Variants in SPATS1 observed in about 807,000 individuals in gnomAD.
SPATS1 encodes the protein spermatogenesis-associated serine-rich protein 1.
A neutral mutation model predicts 33.6 loss-of-function variants in SPATS1; 23 were observed. The observed-to-expected ratio is 0.68, with a 90% CI of 0.49 to 0.97. SPATS1 has a LOEUF of 0.97. Among genes scored for constraint, SPATS1 ranks in the 50% least tolerant of loss-of-function variants. The pLI is 0.00. For missense variants in SPATS1, 327 were observed against 361.0 expected (o/e 0.91, Z 0.76); for synonymous variants, 131 against 125.6 (o/e 1.04, Z -0.29).
chr6:44,369,546 A>G (rs1158158633), intron 6 of SPATS1, among the ~76,000 whole-genome samples: 1 of 151,062 alleles, frequency 6.6e-6, no homozygotes, highest in Non-Finnish European at 1.5e-5. Flanking sequence ...TTAAGACTCC[A>G]TCTCAAAATA....
At chr6:44,345,523 C>T (rs1465536109) in intron 2 of SPATS1, among the ~76,000 whole-genome samples, 2 of 152,164 alleles carry the variant, frequency 1.3e-5, no homozygotes, top group Admixed American at 6.5e-5. Context: ...TGATACCATC[C>T]ATAGAGCCAA....
At chr6:44,350,450 G>C (rs1174892306) in intron 2 of SPATS1, among the ~76,000 whole-genome samples, 1 of 152,224 alleles carries the variant, frequency 6.6e-6, no homozygotes, top group African/African-American at 2.4e-5. Context: ...CAATAGGTCT[G>C]CGATGGAATT....
intron 2 of SPATS1, among the ~76,000 whole-genome samples, chr6:44,349,021 C>G (rs1339676075): frequency 6.6e-6 from 1 of 152,146 alleles, no homozygotes; most frequent in Admixed American, 6.5e-5. Context: ...ATCCCAGCTA[C>G]TCGGGAGGCT....
intron 8 of SPATS1, 117 bp from the exon 9 acceptor site, chr6:44,376,918 C>A: frequency 8.8e-7 from 1 of 1,142,056 alleles, no homozygotes; most frequent in East Asian, 2.3e-5. Context: ...TGTCTTCTGT[C>A]CCGAGGTGGT....
Position 44,364,712 on chromosome 6 carries a change from CTCTTTCTTTCTTT to C in SPATS1, c.574+2735_574+2747del, listed in dbSNP as rs1452717607. Among the ~76,000 whole-genome samples the C allele has an allele frequency of 2.1e-3, 312 of 152,118 alleles. 2 individuals are homozygous for C. Among genetic ancestry groups the C allele is most frequent in the African/African-American group, 6.2e-3 (259 of 41,486 alleles). On this transcript the variant is annotated intron_variant, in intron 5 of 8. Transcript: ENST00000674044. ...CTTCCTTTGTGAAATTCTCTCCCCA[CTCTTTCTTTCTTT>C]TCTTTCTTTCTTTTTTTCTTTCTGT...
chr6:44,367,180 C>T (rs567300239), intron 5 of SPATS1, among the ~76,000 whole-genome samples: 50 of 152,304 alleles, frequency 3.3e-4, no homozygotes, highest in Non-Finnish European at 5.0e-4. Context: ...CTCCGTCTCC[C>T]GGGTTTAAGC....
chr6:44,348,657 C>T (rs1401329374), intron 2 of SPATS1, among the ~76,000 whole-genome samples: 3 of 152,218 alleles, frequency 2.0e-5, no homozygotes, highest in South Asian at 4.2e-4. Context: ...GCATGTAGAA[C>T]GTGTGTTCAT....
chr6:44,351,830 T>C (rs1306031567), intron 2 of SPATS1, among the ~76,000 whole-genome samples: 2 of 152,222 alleles, frequency 1.3e-5, no homozygotes, highest in East Asian at 3.8e-4. Context: ...CCAGGCACTG[T>C]TATGGATTCT....
intron 5 of SPATS1, among the ~76,000 whole-genome samples, chr6:44,367,993 G>A (rs2065361): frequency 0.71 from 108,609 of 152,052 alleles, 39,123 homozygotes; most frequent in Middle Eastern, 0.77. Context: ...CAGAGCCCCA[G>A]GGACACTTGT....
chr6:44,364,759 C>CTTTCTT (rs553848480), intron 5 of SPATS1, among the ~76,000 whole-genome samples: 1 of 151,132 alleles, frequency 6.6e-6, no homozygotes, highest in Non-Finnish European at 1.5e-5. Flanking sequence ...GTCTTTCTTT[C>CTTTCTT]TTTCTTTTTC....
rs1406500630 is a variant in SPATS1, at chr6:44,378,889, G to C, written c.*1826G>C. 6.6e-6 allele frequency: 1 copy of C among 152,138 alleles called. No individual in the cohort carries two copies. The highest frequency in any genetic ancestry group is 1.5e-5 in the Non-Finnish European group (1 of 68,064). The allele number at this position is 152,138 out of a possible 1,614,324, so 9.4% of individuals were successfully genotyped here. A position where few individuals can be genotyped will look rare whatever the true frequency, so the allele number is the denominator to read the frequency against. On this transcript the variant is annotated 3_prime_UTR_variant, in exon 9 of 9. Transcript: ENST00000674044. ...CAGCTGCTGTGCCTGACCACTCCTTGGGTTAACATCAGCATACATCCGTGC... is the reference window on the plus strand; with the variant it reads ...CAGCTGCTGTGCCTGACCACTCCTTCGGTTAACATCAGCATACATCCGTGC...
intron 5 of SPATS1, among the ~76,000 whole-genome samples, chr6:44,363,734 CCT>C (rs2153368274): frequency 6.6e-6 from 1 of 150,898 alleles, no homozygotes; most frequent in Non-Finnish European, 1.5e-5. Flanking sequence ...TTCCTCCCTC[CCT>C]CTCTCCATCC....
chr6:44,364,790 CTT>C (rs927568593), intron 5 of SPATS1, among the ~76,000 whole-genome samples: 4 of 143,880 alleles, frequency 2.8e-5, no homozygotes, highest in Admixed American at 2.8e-4. Context: ...TTTCTTTTCT[CTT>C]TCTTTCTTTC....
intron 5 of SPATS1, among the ~76,000 whole-genome samples, chr6:44,367,393 G>C (rs1356536218): frequency 2.0e-5 from 3 of 152,180 alleles, no homozygotes; most frequent in Non-Finnish European, 4.4e-5. Context: ...TACCCAGCAG[G>C]CACTCAATGC....
chr6:44,352,705 G>GGT (rs1453487064), intron 2 of SPATS1, 21 bp from the exon 3 acceptor site: 1 of 1,609,550 alleles, frequency 6.2e-7, no homozygotes, highest in Admixed American at 1.7e-5. Flanking sequence ...GTAATTAAAT[G>GGT]GTGATATCTC....
chr6:44,349,977 G>A (rs1447432936), intron 2 of SPATS1, among the ~76,000 whole-genome samples: 1 of 152,094 alleles, frequency 6.6e-6, no homozygotes, highest in African/African-American at 2.4e-5. Flanking sequence ...TGGTTACTGG[G>A]GACCCGTCTC....
At position 44,377,297 on chromosome 6, in the gene SPATS1, T is replaced by C; in HGVS notation, c.*234T>C. 1.7e-6 allele frequency: 1 copy of C among 578,812 alleles called. No homozygotes were observed. Among genetic ancestry groups the C allele is most frequent in the South Asian group, 2.1e-5 (1 of 48,632 alleles). 35.9% of individuals were successfully genotyped at this position (578,812 alleles called of 1,614,324 possible). Reference sequence around the variant, plus strand: ...ACATAGATTCTATCATTGTTAATATTTGTTCAAACTTTCTCTCTCTCACAA... The same window carrying C: ...ACATAGATTCTATCATTGTTAATATCTGTTCAAACTTTCTCTCTCTCACAA... On this transcript the variant is annotated 3_prime_UTR_variant, in exon 9 of 9. Coordinates refer to ENST00000674044, the MANE Select transcript of SPATS1 (RefSeq NM_001372081.1).
chr6:44,376,390 G>A lies in SPATS1; in HGVS notation c.791G>A (p.Ser264Asn), dbSNP rs774772783. 7 of 1,613,190 alleles carry A rather than the reference G, an allele frequency of 4.3e-6. No homozygotes were observed. In the African/African-American group the frequency reaches 5.3e-5, roughly 12 times the overall value. Reference sequence around the variant, plus strand: ...TTCTGGGTGAAGGAGAAGGCCAACAGTTTGAAAAATGAGATACAAGAGGTT... The same window carrying A: ...TTCTGGGTGAAGGAGAAGGCCAACAATTTGAAAAATGAGATACAAGAGGTT... The part of the protein sequence containing the change: ...LPFWVKEKAN[S>N]LKNEIQEVEE... The change falls in exon 8 of 9, where the codon AGT becomes AAT. Residue 264 changes from serine to asparagine, a missense_variant. By Grantham distance (46) the Ser-to-Asn change is conservative. Coordinates refer to ENST00000674044, the MANE Select transcript of SPATS1 (RefSeq NM_001372081.1).
intron 4 of SPATS1, chr6:44,361,537 C>T (rs1162615419): frequency 1.0e-6 from 1 of 984,674 alleles, no homozygotes; most frequent in Non-Finnish European, 1.2e-6. Context: ...TCTGAGCTTC[C>T]CAATCAATAC....
Sources: gnomAD v4.1 joint callset for allele counts (sites outside exome capture counted in the v4.1 genomes callset) on GRCh38, gnomAD v4.1.1 for gene constraint, MANE v1.5 for transcripts, NCBI Gene and HGNC (gene_info 2026-07-23, HGNC 2026-07-21) for gene names.